The following MOGAT2 variants were observed in gnomAD, a reference collection of about 807,000 sequenced individuals.
The protein encoded by MOGAT2 is 2-acylglycerol O-acyltransferase 2.
In MOGAT2, 27 loss-of-function variants were observed where a neutral mutation model predicts 31.5. That is an observed-to-expected ratio of 0.86 (90% CI 0.63 to 1.18). The LOEUF (loss-of-function observed/expected upper bound fraction) is 1.18, where lower values mean the gene tolerates loss of function less well. MOGAT2 is among the 50% of genes most tolerant of loss of function. The pLI, the probability that MOGAT2 is intolerant of heterozygous loss-of-function variation, is 0.00. For missense variants in MOGAT2, 436 were observed against 433.2 expected (o/e 1.01, Z -0.06); for synonymous variants, 163 against 170.0 (o/e 0.96, Z 0.32).
chr11:75,720,666 A>C (rs1378937584), intron 2 of MOGAT2, among the ~76,000 whole-genome samples: 1 of 152,190 alleles, frequency 6.6e-6, no homozygotes, highest in East Asian at 1.9e-4. Context: ...GGGACAGAGG[A>C]GAGAGCCCTG....
chr11:75,719,690 A>C, intron 1 of MOGAT2: 1 of 398,852 alleles, frequency 2.5e-6, no homozygotes, highest in Non-Finnish European at 4.6e-6. Context: ...CCTGGGGAGA[A>C]GGAGGACAGG....
chr11:75,718,285 G>A, intron 1 of MOGAT2, among the ~76,000 whole-genome samples: 1 of 152,212 alleles, frequency 6.6e-6, no homozygotes, highest in East Asian at 1.9e-4. Context: ...GTGTGGGAAA[G>A]CCTCTGGGCG....
intron 2 of MOGAT2, among the ~76,000 whole-genome samples, chr11:75,726,913 C>T (rs1944426376): frequency 6.6e-6 from 1 of 152,130 alleles, no homozygotes; most frequent in South Asian, 2.1e-4. Flanking sequence ...TGGTCTCAAA[C>T]TCCTGACCTC....
intron 2 of MOGAT2, among the ~76,000 whole-genome samples, chr11:75,726,425 T>C (rs1944421987): frequency 1.3e-5 from 2 of 152,178 alleles, no homozygotes; most frequent in African/African-American, 4.8e-5. Flanking sequence ...CCCCCGCAGA[T>C]ACCAAAATCC....
chr11:75,719,959 C>A, intron 1 of MOGAT2, 33 bp from the exon 2 acceptor site: 1 of 1,605,882 alleles, frequency 6.2e-7, no homozygotes, highest in Non-Finnish European at 8.5e-7. Flanking sequence ...CTCTCAGACC[C>A]CTGTCCCTGA....
intron 2 of MOGAT2, among the ~76,000 whole-genome samples, chr11:75,726,855 C>T (rs544989823): frequency 3.9e-4 from 60 of 152,098 alleles, no homozygotes; most frequent in African/African-American, 1.3e-3. Context: ...CCCGCCACCA[C>T]GCCCAGCTAA....
intron 2 of MOGAT2, 140 bp downstream of exon 2, chr11:75,720,310 T>A: frequency 1.1e-6 from 1 of 871,394 alleles, no homozygotes; most frequent in Non-Finnish European, 1.7e-6. Context: ...AGCTAGGGCT[T>A]CCGCTACTAT....
intron 5 of MOGAT2, 25 bp downstream of exon 5, chr11:75,729,014 G>A: frequency 1.2e-6 from 2 of 1,610,594 alleles, no homozygotes; most frequent in Non-Finnish European, 8.5e-7. Flanking sequence ...AGGCTGGGAG[G>A]GAGGAGGCCA....
At chr11:75,722,641 A>G (rs1460685684) in intron 2 of MOGAT2, among the ~76,000 whole-genome samples, 1 of 152,214 alleles carries the variant, frequency 6.6e-6, no homozygotes, top group Non-Finnish European at 1.5e-5. Context: ...CTCAGGTCAG[A>G]GGGTGGAGGC....
intron 1 of MOGAT2, among the ~76,000 whole-genome samples, chr11:75,718,851 A>G (rs972021618): frequency 3.9e-5 from 6 of 152,142 alleles, no homozygotes; most frequent in African/African-American, 1.4e-4. Flanking sequence ...CTGGCACCAG[A>G]CAAGGTAGGA....
Position 75,719,806 on chromosome 11 carries a change from G to A in MOGAT2, c.92-186G>A, listed in dbSNP as rs149535789. On this transcript the variant is annotated intron_variant, in intron 1 of 5. Coordinates refer to ENST00000198801, the MANE Select transcript of MOGAT2 (RefSeq NM_025098.4). Reference sequence around the variant, plus strand: ...TGCTCCCAGTGACACTGGGCTGGCCGTAGTCCCTCTCAGGGACTTTGTCTC... The same window carrying A: ...TGCTCCCAGTGACACTGGGCTGGCCATAGTCCCTCTCAGGGACTTTGTCTC... The A allele has an allele frequency of 1.5e-3, 881 of 599,576 alleles. 4 individuals are homozygous for A. The highest frequency in any genetic ancestry group is 0.013 in the African/African-American group (678 of 54,192). 37.1% of individuals were successfully genotyped at this position (599,576 alleles called of 1,614,324 possible).
At chr11:75,726,333 C>T (rs1423740977) in intron 2 of MOGAT2, among the ~76,000 whole-genome samples, 1 of 152,244 alleles carries the variant, frequency 6.6e-6, no homozygotes, top group African/African-American at 2.4e-5. Flanking sequence ...ACTCGCTCCT[C>T]AGATGGCCTA....
intron 2 of MOGAT2, among the ~76,000 whole-genome samples, chr11:75,722,476 C>T (rs975393609): frequency 6.6e-6 from 1 of 152,192 alleles, no homozygotes; most frequent in East Asian, 1.9e-4. Flanking sequence ...TGAGCTGAAT[C>T]CCAAGCTCAC....
At position 75,728,089 on chromosome 11, in the gene MOGAT2, T is replaced by C; in HGVS notation, c.595T>C (p.Phe199Leu). 1 of 1,614,170 alleles carries C rather than the reference T, an allele frequency of 6.2e-7. No individual in the cohort carries two copies. Among genetic ancestry groups the C allele is most frequent in the Non-Finnish European group, 8.5e-7 (1 of 1,180,026 alleles). ...GGCCCTGGATGCCAGGCCTGGATCCTTCACGCTGTTACTGCGGAACCGAAA... is the reference window on the plus strand; with the variant it reads ...GGCCCTGGATGCCAGGCCTGGATCCCTCACGCTGTTACTGCGGAACCGAAA... The part of the protein sequence containing the change: ...QEALDARPGS[F>L]TLLLRNRKGF... Residue 199 changes from phenylalanine (F) to leucine (L), a missense_variant, in exon 4 of 6, where the codon TTC (phenylalanine) becomes CTC (leucine). Physicochemically the swap from Phe to Leu is conservative, Grantham distance 22. Coordinates refer to ENST00000198801, the MANE Select transcript of MOGAT2 (RefSeq NM_025098.4).
chr11:75,721,430 C>T (rs139799135), intron 2 of MOGAT2, among the ~76,000 whole-genome samples: 87 of 152,158 alleles, frequency 5.7e-4, no homozygotes, highest in African/African-American at 2.0e-3. Context: ...CTACAGGTGC[C>T]GGCCACCACA....
chr11:75,721,585 C>T (rs1944377193), intron 2 of MOGAT2, among the ~76,000 whole-genome samples: 1 of 152,102 alleles, frequency 6.6e-6, no homozygotes, highest in African/African-American at 2.4e-5. Context: ...GCCTGGCTAG[C>T]ACTTTGTAGG....
intron 2 of MOGAT2, among the ~76,000 whole-genome samples, chr11:75,720,392 GGATT>G (rs1215870391): frequency 6.6e-6 from 1 of 152,170 alleles, no homozygotes; most frequent in Non-Finnish European, 1.5e-5. Context: ...GCCAATATGT[GGATT>G]GATGGATGTC....
intron 1 of MOGAT2, among the ~76,000 whole-genome samples, chr11:75,718,575 A>C (rs1419626582): frequency 6.6e-6 from 1 of 152,088 alleles, no homozygotes; most frequent in African/African-American, 2.4e-5. Flanking sequence ...GGGGACAACA[A>C]TGCTGGCCTT....
At chr11:75,723,480 G>A (rs1032771542) in intron 2 of MOGAT2, among the ~76,000 whole-genome samples, 2 of 121,610 alleles carry the variant, frequency 1.6e-5, no homozygotes, top group African/African-American at 6.0e-5. Flanking sequence ...CCCAGGCCCC[G>A]CAGGGATCAT....
Sources: allele counts gnomAD v4.1 joint callset (sites outside exome capture counted in the v4.1 genomes callset), GRCh38; gene constraint gnomAD v4.1.1; transcripts MANE v1.5; gene names NCBI Gene and HGNC (gene_info 2026-07-23, HGNC 2026-07-21).